PCDH15: variants seen among roughly 807,000 people sequenced by gnomAD.
PCDH15 encodes the protein protocadherin-15.
In PCDH15, 129 loss-of-function variants were observed where a neutral mutation model predicts 178.5. The observed-to-expected ratio is 0.72, with a 90% confidence interval of 0.63 to 0.84. The LOEUF (loss-of-function observed/expected upper bound fraction) is 0.84. Ranked by LOEUF, PCDH15 falls within the 40% of genes least tolerant of loss-of-function variation. The probability of loss-of-function intolerance (pLI) is 0.00; values close to 1 mark genes in which losing one functional copy is unlikely to be tolerated. For missense variants in PCDH15, 2,230 were observed against 2,099.9 expected (o/e 1.06, Z -1.21); for synonymous variants, 800 against 732.0 (o/e 1.09, Z -1.50).
At chr10:55,398,399 G>A (rs997790668) in intron 2 of PCDH15, among the ~76,000 whole-genome samples, 2 of 152,106 alleles carry the variant, frequency 1.3e-5, no homozygotes, top group African/African-American at 2.4e-5. Flanking sequence ...TTCTGATCCT[G>A]ATCAGTTACC....
intron 2 of PCDH15, among the ~76,000 whole-genome samples, chr10:55,377,290 G>C (rs1344840171): frequency 6.6e-6 from 1 of 151,804 alleles, no homozygotes; most frequent in Non-Finnish European, 1.5e-5. Context: ...CTTGCTATAT[G>C]TCATAAGAAA....
chr10:54,612,375 T>C (rs963848707), intron 2 of PCDH15, among the ~76,000 whole-genome samples: 1 of 151,802 alleles, frequency 6.6e-6, no homozygotes, highest in Non-Finnish European at 1.5e-5. Flanking sequence ...ACCTCAGCTA[T>C]TCACTAAGAT....
rs1461437900 is a variant in PCDH15, at chr10:54,825,000, T to G, written c.-29+72450A>C. ...AACTCCTCATTTAGCATTAGGTATA[T>G]CTCCCAATGCTATCCCTCCCCCCTC... is the stretch of plus-strand genomic sequence containing the variant. On this transcript the variant is annotated intron_variant, in intron 3 of 5. Coordinates refer to the PCDH15 transcript ENST00000458638. Among the ~76,000 whole-genome samples the G allele has an allele frequency of 2.0e-5, 3 of 152,112 alleles. No homozygotes were observed. The East Asian group carries it at 5.8e-4, about 29-fold the overall frequency.
intron 2 of PCDH15, among the ~76,000 whole-genome samples, chr10:54,927,465 C>T (rs954059129): frequency 1.3e-5 from 2 of 151,998 alleles, no homozygotes; most frequent in African/African-American, 4.8e-5. Flanking sequence ...TGATCTAATG[C>T]TGAGTTCAGG....
At chr10:53,957,106 C>T (rs1030471341) in intron 23 of PCDH15, among the ~76,000 whole-genome samples, 1 of 152,102 alleles carries the variant, frequency 6.6e-6, no homozygotes, top group Non-Finnish European at 1.5e-5. Flanking sequence ...AAATGAAAAC[C>T]TAGAGAAACA....
intron 1 of PCDH15, among the ~76,000 whole-genome samples, chr10:54,708,565 G>A (rs530960030): frequency 1.3e-5 from 2 of 152,238 alleles, no homozygotes; most frequent in South Asian, 2.1e-4. Flanking sequence ...GCAGCCATGT[G>A]AATTTTGCAG....
At chr10:54,851,916 T>G (rs1276686639) in intron 3 of PCDH15, among the ~76,000 whole-genome samples, 1 of 152,174 alleles carries the variant, frequency 6.6e-6, no homozygotes, top group East Asian at 1.9e-4. Flanking sequence ...AAAATAAAGT[T>G]TTAAAATAAC....
At chr10:54,183,378 G>T in intron 13 of PCDH15, 66 bp downstream of exon 13, 1 of 1,414,978 alleles carries the variant, frequency 7.1e-7, no homozygotes. Flanking sequence ...TTCTTCATGA[G>T]CATATCGTAT....
At chr10:54,194,043 T>G (rs1283596893) in intron 11 of PCDH15, among the ~76,000 whole-genome samples, 5 of 137,450 alleles carry the variant, frequency 3.6e-5, no homozygotes, top group Non-Finnish European at 7.6e-5. Flanking sequence ...ACACTAAATG[T>G]GAGAGACCAG....
chr10:54,528,269 A>C, intron 2 of PCDH15: 1 of 959,668 alleles, frequency 1.0e-6, no homozygotes, highest in African/African-American at 1.6e-5. Flanking sequence ...TTTAATTGTG[A>C]TAAAGGGTCT....
intron 8 of PCDH15, among the ~76,000 whole-genome samples, chr10:54,273,037 T>C (rs1337969771): frequency 6.6e-6 from 1 of 152,084 alleles, no homozygotes; most frequent in Non-Finnish European, 1.5e-5. Flanking sequence ...AATAAGTGAA[T>C]TTAGCAAAAT....
intron 2 of PCDH15, among the ~76,000 whole-genome samples, chr10:55,457,072 ATG>A (rs1839570198): frequency 6.6e-6 from 1 of 152,090 alleles, no homozygotes; most frequent in Admixed American, 6.6e-5. Context: ...TGAGCATACA[ATG>A]TGAAAGTACG....
chr10:53,829,747 G>A (rs2076908190), intron 30 of PCDH15, among the ~76,000 whole-genome samples: 1 of 152,084 alleles, frequency 6.6e-6, no homozygotes, highest in South Asian at 2.1e-4. Flanking sequence ...TGACCTGCTT[G>A]AAAAATATTA....
chr10:54,324,725 C>CA lies in PCDH15; in HGVS notation c.705+4870_705+4871insT, dbSNP rs561150466. Among the ~76,000 whole-genome samples the CA allele has an allele frequency of 2.8e-3, 432 of 152,044 alleles. 3 individuals are homozygous for CA. The highest frequency in any genetic ancestry group is 0.01 in the African/African-American group (422 of 41,488). ...GGCTGCAGTGAACCGAGATCACCCCCCTGCACTACAGCCTGGGTGACAGAG... is the reference window on the plus strand; with the variant it reads ...GGCTGCAGTGAACCGAGATCACCCCCACTGCACTACAGCCTGGGTGACAGAG... On this transcript the variant is annotated intron_variant, in intron 7 of 37. Coordinates refer to ENST00000644397, the MANE Select transcript of PCDH15 (RefSeq NM_001384140.1).
chr10:54,999,784 G>T (rs1425436254), intron 2 of PCDH15, among the ~76,000 whole-genome samples: 1 of 152,196 alleles, frequency 6.6e-6, no homozygotes, highest in African/African-American at 2.4e-5. Context: ...CTAAGTGTCG[G>T]ATGGTCTGAG....
At chr10:54,758,714 A>C (rs1947485283) in intron 1 of PCDH15, among the ~76,000 whole-genome samples, 1 of 152,198 alleles carries the variant, frequency 6.6e-6, no homozygotes, top group Admixed American at 6.5e-5. Context: ...TACAAAGGAA[A>C]CCCAAATAAA....
At chr10:54,804,926 A>AG (rs1564524108), upstream of PCDH15, among the ~76,000 whole-genome samples, 7 of 2,630 alleles carry the variant, frequency 2.7e-3, no homozygotes, top group Non-Finnish European at 4.0e-3. Context: ...TTCATAGTAG[A>AG]TTATATATAT....
At chr10:53,971,771 G>T (rs2089712605) in intron 21 of PCDH15, among the ~76,000 whole-genome samples, 2 of 152,042 alleles carry the variant, frequency 1.3e-5, no homozygotes, top group African/African-American at 4.8e-5. Context: ...ACAAACCACG[G>T]CTCAAGGAAA....
chr10:55,525,088 T>A (rs1454129987), intron 2 of PCDH15, among the ~76,000 whole-genome samples: 2 of 151,772 alleles, frequency 1.3e-5, no homozygotes, highest in South Asian at 2.1e-4. Flanking sequence ...TTTAGAGAAA[T>A]CATTCACCCA....
Sources: gnomAD v4.1 joint callset for allele counts (sites outside exome capture counted in the v4.1 genomes callset) on GRCh38, gnomAD v4.1.1 for gene constraint, MANE v1.5 for transcripts, NCBI Gene and HGNC (gene_info 2026-07-23, HGNC 2026-07-21) for gene names.